DENND4C: variants seen among roughly 807,000 people sequenced by gnomAD.
DENND4C encodes DENN domain containing 4C.
DENND4C carries 108 observed loss-of-function variants against 203.0 expected under a neutral mutation model. That is an observed-to-expected ratio of 0.53 (90% CI 0.46 to 0.62). The LOEUF (loss-of-function observed/expected upper bound fraction) is 0.62. Among genes scored for constraint, DENND4C ranks in the 20% least tolerant of loss-of-function variants. The probability of loss-of-function intolerance (pLI) is 0.00; values close to 1 mark genes in which losing one functional copy is unlikely to be tolerated. For synonymous variants in DENND4C, 871 were observed against 792.4 expected, an observed-to-expected ratio of 1.10 and a Z score of -1.67; for missense variants, 2,481 against 2,301.2, an observed-to-expected ratio of 1.08 and a Z score of -1.60.
intron 1 of DENND4C, among the ~76,000 whole-genome samples, chr9:19,236,284 G>A (rs552537867): frequency 3.9e-5 from 6 of 152,288 alleles, no homozygotes; most frequent in East Asian, 3.9e-4. Flanking sequence ...AATATAGAAT[G>A]GAGCAAAATA....
At chr9:19,266,266 G>A (rs1048402885) in intron 1 of DENND4C, among the ~76,000 whole-genome samples, 1 of 152,042 alleles carries the variant, frequency 6.6e-6, no homozygotes, top group Admixed American at 6.6e-5. Context: ...CTTTTGAGAG[G>A]TATTTGTTCA....
At chr9:19,300,837 T>A (rs1838409435) in intron 9 of DENND4C, among the ~76,000 whole-genome samples, 1 of 152,182 alleles carries the variant, frequency 6.6e-6, no homozygotes, top group Non-Finnish European at 1.5e-5. Context: ...TGTTAAGAAA[T>A]TAAAGTTGTT....
At chr9:19,329,520 G>A (rs1295528577) in intron 16 of DENND4C, among the ~76,000 whole-genome samples, 1 of 152,174 alleles carries the variant, frequency 6.6e-6, no homozygotes, top group Non-Finnish European at 1.5e-5. Flanking sequence ...TTGTGTATAA[G>A]TGTTAATATG....
chr9:19,340,684 A>G (rs1164457370), intron 20 of DENND4C, among the ~76,000 whole-genome samples: 2 of 152,150 alleles, frequency 1.3e-5, no homozygotes, highest in Non-Finnish European at 2.9e-5. Context: ...TCTTACAGAG[A>G]AGTTAGCATT....
intron 1 of DENND4C, among the ~76,000 whole-genome samples, chr9:19,232,758 A>G (rs1820896141): frequency 6.6e-6 from 1 of 152,176 alleles, no homozygotes; most frequent in South Asian, 2.1e-4. Context: ...CAAATTTGGG[A>G]GATTATTTGG....
chr9:19,286,718 A>G (rs1441315680), intron 2 of DENND4C, 51 bp from the exon 3 acceptor site: 1 of 1,203,478 alleles, frequency 8.3e-7, no homozygotes, highest in Non-Finnish European at 1.0e-6. Flanking sequence ...GTACATATGT[A>G]TGTGTGTATG....
At chr9:19,348,103 G>A (rs1222692429) in intron 23 of DENND4C, among the ~76,000 whole-genome samples, 1 of 152,148 alleles carries the variant, frequency 6.6e-6, no homozygotes, top group Non-Finnish European at 1.5e-5. Flanking sequence ...ACTGTTATAA[G>A]CTATATGTCT....
intron 8 of DENND4C, 65 bp downstream of exon 8, chr9:19,299,352 G>C: frequency 8.9e-7 from 1 of 1,127,842 alleles, no homozygotes; most frequent in Admixed American, 2.6e-5. Flanking sequence ...AAATATTTTA[G>C]TGATTAGTAT....
chr9:19,316,839 G>A lies in DENND4C; in HGVS notation c.1807G>A (p.Gly603Arg), dbSNP rs770985783. Residue 603 changes from glycine (G) to arginine (R), a missense_variant and splice_region_variant, in exon 12 of 33, where the codon GGA (glycine) becomes AGA (arginine). Around this residue, in one of 3 missense-constraint regions of DENND4C, gnomAD observed 2,289 missense variants for 2,113.3 expected, o/e 1.08. Coordinates refer to ENST00000434457, the MANE Select transcript of DENND4C (RefSeq NM_001330640.2). ...TAADSLFDRQ[G>R]FLKSRDRAYA... is the part of the protein sequence containing the mutation. ...TGCTGATTCATTGTTTGACCGACAGGGTGAGTAGCATTGAAAGTACAATTC... is the reference window on the plus strand; with the variant it reads ...TGCTGATTCATTGTTTGACCGACAGAGTGAGTAGCATTGAAAGTACAATTC... 1.2e-6 allele frequency: 2 copies of A among 1,608,168 alleles called. No homozygotes were observed. The highest frequency in any genetic ancestry group is 1.7e-6 in the Non-Finnish European group (2 of 1,178,148).
chr9:19,371,574 AG>A, intron 31 of DENND4C, 181 bp from the exon 32 acceptor site: 2 of 397,650 alleles, frequency 5.0e-6, no homozygotes, highest in Non-Finnish European at 9.1e-6. Context: ...GCCTTCACAC[AG>A]CTTCCTCCAA....
At chr9:19,282,096 T>C (rs997502137) in intron 2 of DENND4C, among the ~76,000 whole-genome samples, 9 of 152,154 alleles carry the variant, frequency 5.9e-5, no homozygotes, top group Admixed American at 4.6e-4. Flanking sequence ...CTTTTTACTT[T>C]ATAAACTTTT....
At chr9:19,278,835 C>G (rs937605030) in intron 2 of DENND4C, among the ~76,000 whole-genome samples, 1 of 152,048 alleles carries the variant, frequency 6.6e-6, no homozygotes, top group African/African-American at 2.4e-5. Context: ...TCAGAAATGA[C>G]TGGGAATTGG....
chr9:19,286,444 A>T (rs1835231104), intron 2 of DENND4C, among the ~76,000 whole-genome samples: 1 of 152,182 alleles, frequency 6.6e-6, no homozygotes, highest in Non-Finnish European at 1.5e-5. Context: ...AATTGACCTG[A>T]AGATGTTTGT....
chr9:19,247,966 G>T (rs969201375), intron 1 of DENND4C, among the ~76,000 whole-genome samples: 4 of 151,872 alleles, frequency 2.6e-5, no homozygotes, highest in African/African-American at 9.7e-5. Context: ...CCACTCCTTT[G>T]CCCTAATATA....
intron 5 of DENND4C, among the ~76,000 whole-genome samples, chr9:19,294,557 G>A (rs565339142): frequency 6.6e-6 from 1 of 152,194 alleles, no homozygotes; most frequent in African/African-American, 2.4e-5. Flanking sequence ...ATAATTGAAA[G>A]CAGAGACTCA....
intron 10 of DENND4C, among the ~76,000 whole-genome samples, chr9:19,305,895 C>G (rs1011742248): frequency 6.6e-6 from 1 of 152,150 alleles, no homozygotes; most frequent in African/African-American, 2.4e-5. Flanking sequence ...TGGGTTTACC[C>G]ATTGGAGATA....
At chr9:19,344,456 A>G (rs1822353719) in intron 22 of DENND4C, among the ~76,000 whole-genome samples, 2 of 152,108 alleles carry the variant, frequency 1.3e-5, no homozygotes, top group Admixed American at 6.6e-5. Flanking sequence ...TGATTGCACC[A>G]CTGTACTCTC....
intron 20 of DENND4C, among the ~76,000 whole-genome samples, chr9:19,337,917 A>G (rs1327945665): frequency 6.6e-6 from 1 of 152,180 alleles, no homozygotes; most frequent in Non-Finnish European, 1.5e-5. Context: ...TCTTATTTTG[A>G]GGTTGGTTTG....
intron 2 of DENND4C, among the ~76,000 whole-genome samples, chr9:19,280,653 A>G (rs1460457401): frequency 6.6e-6 from 1 of 151,848 alleles, no homozygotes; most frequent in Non-Finnish European, 1.5e-5. Flanking sequence ...CCAGCCAGGT[A>G]CTTATTTTGT....
Sources: allele counts gnomAD v4.1 joint callset (sites outside exome capture counted in the v4.1 genomes callset), GRCh38; gene constraint gnomAD v4.1.1; regional missense constraint gnomAD v4.1.1; transcripts MANE v1.5; gene names NCBI Gene and HGNC (gene_info 2026-07-23, HGNC 2026-07-21).